Variants in SGCZ observed in about 807,000 individuals in gnomAD.
SGCZ encodes the protein sarcoglycan zeta.
A neutral mutation model predicts 41.3 loss-of-function variants in SGCZ; 40 were observed. That is an observed-to-expected ratio of 0.97 (90% CI 0.75 to 1.26). SGCZ has a LOEUF of 1.26. Among genes scored for constraint, SGCZ ranks in the 50% most tolerant of loss-of-function variants. SGCZ has a pLI of 0.00. For missense variants in SGCZ, 552 were observed against 369.8 expected (o/e 1.49, Z -4.04); for synonymous variants, 206 against 137.5 (o/e 1.50, Z -3.49).
At chr8:14,905,296 C>A (rs573328500) in intron 1 of SGCZ, among the ~76,000 whole-genome samples, 2 of 151,540 alleles carry the variant, frequency 1.3e-5, no homozygotes, top group African/African-American at 2.4e-5. Flanking sequence ...AAGGAAAAAC[C>A]GATTAAAAAG....
chr8:14,883,250 A>C (rs76261555), intron 1 of SGCZ, among the ~76,000 whole-genome samples: 1 of 150,820 alleles, frequency 6.6e-6, no homozygotes, highest in African/African-American at 2.4e-5. Flanking sequence ...AAAAAAAAAA[A>C]CCACAGAGTG....
intron 1 of SGCZ, among the ~76,000 whole-genome samples, chr8:14,711,421 C>G (rs989293303): frequency 4.4e-5 from 6 of 136,358 alleles, no homozygotes; most frequent in African/African-American, 5.6e-5. Context: ...AAAATCTCCT[C>G]TCTACTAAAA....
At chr8:14,345,594 C>T (rs984398535) in intron 2 of SGCZ, among the ~76,000 whole-genome samples, 3 of 152,120 alleles carry the variant, frequency 2.0e-5, no homozygotes, top group Admixed American at 1.3e-4. Context: ...TGTTTAATAA[C>T]GTGAGTTAAG....
At chr8:14,676,350 G>GTC (rs1808278331) in intron 1 of SGCZ, among the ~76,000 whole-genome samples, 1 of 150,676 alleles carries the variant, frequency 6.6e-6, no homozygotes, top group Non-Finnish European at 1.5e-5. Flanking sequence ...AAATAGATGT[G>GTC]TGTGTGTGTG....
chr8:14,672,170 T>A (rs1191837758), intron 1 of SGCZ, among the ~76,000 whole-genome samples: 1 of 152,170 alleles, frequency 6.6e-6, no homozygotes, highest in East Asian at 1.9e-4. Context: ...ATAGGTTACG[T>A]ACAAACTATA....
chr8:14,832,823 A>T (rs1454041544), intron 1 of SGCZ, among the ~76,000 whole-genome samples: 2 of 152,154 alleles, frequency 1.3e-5, no homozygotes, highest in African/African-American at 4.8e-5. Flanking sequence ...CAACCTTTCA[A>T]ATACAATGTT....
At chr8:14,928,277 A>C (rs1799820740) in intron 1 of SGCZ, among the ~76,000 whole-genome samples, 1 of 152,194 alleles carries the variant, frequency 6.6e-6, no homozygotes, top group South Asian at 2.1e-4. Flanking sequence ...AGTTATGATC[A>C]TACGCCATGG....
rs80084539 is a variant in SGCZ, at chr8:14,394,893, G to A, written c.235-70689C>T. 6.9e-3 allele frequency among the ~76,000 whole-genome samples: 1,056 copies of A among 152,178 alleles called. 15 individuals carry two copies. Among genetic ancestry groups the A allele is most frequent in the African/African-American group, 0.024 (1,012 of 41,508 alleles). On this transcript the variant is annotated intron_variant, in intron 2 of 7. Coordinates refer to ENST00000382080, the MANE Select transcript of SGCZ (RefSeq NM_139167.4). The stretch of plus-strand genomic sequence containing the variant: ...TATGTCAGTGCATGGGTGATATTGT[G>A]CAGATATCAAGAACACAATTGTCTG...
At chr8:15,225,341 C>T (rs1210757930) in intron 1 of SGCZ, among the ~76,000 whole-genome samples, 3 of 151,938 alleles carry the variant, frequency 2.0e-5, no homozygotes, top group African/African-American at 7.3e-5. Flanking sequence ...CTTCCTAGGA[C>T]TAGTTTACTG....
At chr8:14,765,055 G>C (rs972228177) in intron 1 of SGCZ, among the ~76,000 whole-genome samples, 2 of 152,214 alleles carry the variant, frequency 1.3e-5, no homozygotes, top group Middle Eastern at 3.4e-3. Context: ...CTAGAAATAG[G>C]CATATGTGCC....
intron 2 of SGCZ, among the ~76,000 whole-genome samples, chr8:14,391,530 C>T (rs1804772883): frequency 6.6e-6 from 1 of 152,028 alleles, no homozygotes. Context: ...GTACTATGTT[C>T]AGGGGCAGAA....
At chr8:15,003,227 T>C (rs895748750) in intron 1 of SGCZ, among the ~76,000 whole-genome samples, 1 of 151,632 alleles carries the variant, frequency 6.6e-6, no homozygotes, top group Admixed American at 6.6e-5. Flanking sequence ...GAGCAGAGAG[T>C]TTATATAGGG....
intron 3 of SGCZ, among the ~76,000 whole-genome samples, chr8:14,239,735 T>C (rs1798792717): frequency 6.6e-6 from 1 of 150,548 alleles, no homozygotes; most frequent in Non-Finnish European, 1.5e-5. Flanking sequence ...ACCCCGTCTC[T>C]ACTAAAAATA....
chr8:14,124,426 T>G (rs1294036517), intron 5 of SGCZ, among the ~76,000 whole-genome samples: 1 of 152,186 alleles, frequency 6.6e-6, no homozygotes. Flanking sequence ...GAATAAAATT[T>G]ATTTTTATAT....
At chr8:14,605,842 C>G (rs1364830391) in intron 1 of SGCZ, among the ~76,000 whole-genome samples, 1 of 152,100 alleles carries the variant, frequency 6.6e-6, no homozygotes, top group Non-Finnish European at 1.5e-5. Flanking sequence ...AAAGGAATAA[C>G]TGAACAGATG....
intron 5 of SGCZ, among the ~76,000 whole-genome samples, chr8:14,149,297 C>A (rs894265223): frequency 6.6e-6 from 1 of 151,968 alleles, no homozygotes; most frequent in Non-Finnish European, 1.5e-5. Flanking sequence ...AAGATTCCCC[C>A]CAAAATGATT....
At chr8:14,551,953 A>G (rs1007877174) in intron 2 of SGCZ, among the ~76,000 whole-genome samples, 1 of 151,766 alleles carries the variant, frequency 6.6e-6, no homozygotes, top group Non-Finnish European at 1.5e-5. Flanking sequence ...ATATTTTGAT[A>G]AAAATAACAT....
At chr8:14,928,478 G>A (rs1193798948) in intron 1 of SGCZ, among the ~76,000 whole-genome samples, 1 of 152,108 alleles carries the variant, frequency 6.6e-6, no homozygotes, top group Non-Finnish European at 1.5e-5. Context: ...TATCTCACCA[G>A]AATAGAGGAA....
chr8:14,235,163 G>C (rs569490656), intron 4 of SGCZ, among the ~76,000 whole-genome samples: 6 of 152,164 alleles, frequency 3.9e-5, no homozygotes, highest in African/African-American at 1.4e-4. Context: ...TATTTCATTG[G>C]CACCCAACCA....
Sources: gnomAD v4.1 joint callset for allele counts (sites outside exome capture counted in the v4.1 genomes callset) on GRCh38, gnomAD v4.1.1 for gene constraint, MANE v1.5 for transcripts, NCBI Gene and HGNC (gene_info 2026-07-23, HGNC 2026-07-21) for gene names.